TRPM8: variants seen among roughly 807,000 people sequenced by gnomAD.
TRPM8 encodes transient receptor potential cation channel subfamily M member 8.
A neutral mutation model predicts 133.7 loss-of-function variants in TRPM8; 110 were observed. The observed-to-expected ratio is 0.82, with a 90% confidence interval of 0.70 to 0.96. The LOEUF is 0.96. Among genes scored for constraint, TRPM8 ranks in the 40% least tolerant of loss-of-function variants. TRPM8 has a pLI of 0.00. For missense variants in TRPM8, 1,291 were observed against 1,379.5 expected, an observed-to-expected ratio of 0.94 and a Z score of 1.02; for synonymous variants, 535 against 532.3, an observed-to-expected ratio of 1.01 and a Z score of -0.07.
intron 22 of TRPM8, among the ~76,000 whole-genome samples, chr2:234,005,620 T>C (rs189649382): frequency 5.1e-4 from 78 of 152,258 alleles, no homozygotes; most frequent in African/African-American, 1.7e-3. Context: ...TGGAATTTGC[T>C]TAAATCGAGG....
At chr2:233,940,331 G>A (rs886317618) in intron 5 of TRPM8, among the ~76,000 whole-genome samples, 2 of 146,844 alleles carry the variant, frequency 1.4e-5, no homozygotes, top group Non-Finnish European at 3.0e-5. Context: ...GTTTTGTTTT[G>A]TTTTTCCCAT....
At chr2:233,967,717 T>C (rs774273266) in intron 15 of TRPM8, among the ~76,000 whole-genome samples, 2 of 152,216 alleles carry the variant, frequency 1.3e-5, no homozygotes, top group Non-Finnish European at 1.5e-5. Context: ...ACAAGGAGCA[T>C]GCGGAGAGCG....
intron 9 of TRPM8, among the ~76,000 whole-genome samples, chr2:233,951,326 T>C (rs903929995): frequency 1.3e-5 from 2 of 152,208 alleles, no homozygotes; most frequent in African/African-American, 4.8e-5. Flanking sequence ...TGATTGCATA[T>C]TGACTGCCAC....
intron 17 of TRPM8, among the ~76,000 whole-genome samples, chr2:233,971,643 T>C (rs1387057956): frequency 6.6e-6 from 1 of 151,982 alleles, no homozygotes; most frequent in Non-Finnish European, 1.5e-5. Context: ...GTGGTGCGTC[T>C]GGAGTTTGTT....
chr2:233,930,074 A>G (rs1460431539), intron 2 of TRPM8, among the ~76,000 whole-genome samples: 2 of 152,202 alleles, frequency 1.3e-5, no homozygotes, highest in Non-Finnish European at 2.9e-5. Context: ...TGTTTCATAC[A>G]TGATGCAAAT....
At position 234,017,789 on chromosome 2, in the gene TRPM8, T is replaced by G. The variant is rs957665941; in HGVS notation, c.*533T>G. 1 of 158,422 alleles carries G rather than the reference T, an allele frequency of 6.3e-6. No homozygotes were observed. The highest frequency in any genetic ancestry group is 6.4e-5 in the Admixed American group (1 of 15,626). The allele number at this position is 158,422 out of a possible 1,614,324, so 9.8% of individuals were successfully genotyped here. The stretch of plus-strand genomic sequence containing the variant: ...ACATGCTGCAGCAAGAGGACCCCGC[T>G]CTCTTCAGGAAAAGTGTTTTCATTT... On this transcript the variant is annotated 3_prime_UTR_variant, in exon 26 of 26. Transcript: ENST00000324695.
At chr2:233,958,767 C>G (rs1691356678) in intron 11 of TRPM8, among the ~76,000 whole-genome samples, 1 of 152,180 alleles carries the variant, frequency 6.6e-6, no homozygotes, top group Admixed American at 6.5e-5. Flanking sequence ...AACTCCTTCT[C>G]TAGGCAATGT....
intron 15 of TRPM8, among the ~76,000 whole-genome samples, chr2:233,967,190 T>C (rs1373254053): frequency 1.3e-5 from 2 of 152,244 alleles, no homozygotes; most frequent in Admixed American, 6.5e-5. Flanking sequence ...AAGGTGTTGG[T>C]CCTTTATTTA....
chr2:234,004,355 G>A (rs905056365), intron 22 of TRPM8, among the ~76,000 whole-genome samples: 1 of 152,212 alleles, frequency 6.6e-6, no homozygotes, highest in Non-Finnish European at 1.5e-5. Flanking sequence ...AGACTCCCCA[G>A]GGTGCCTGGT....
rs1199039585 is a variant in TRPM8, at chr2:233,997,400, C to T, written c.3130+884C>T. On this transcript the variant is annotated intron_variant, in intron 22 of 25. Coordinates refer to ENST00000324695, the MANE Select transcript of TRPM8 (RefSeq NM_024080.5). ...AGCTGATGGAGCCGTCAGGGAGGGT[C>T]GGCAGTGGGCTGTTCCCTCTCTTTG... Among the ~76,000 whole-genome samples the T allele has an allele frequency of 3.9e-5, 6 of 152,160 alleles. No individual in the cohort carries two copies. The East Asian group carries it at 9.6e-4, about 24-fold the overall frequency.
In TRPM8 at chr2:233,985,645, T is replaced by TC. The variant is rs562638281; in HGVS notation, c.2762-41dup. 3.0e-4 allele frequency: 486 copies of TC among 1,595,940 alleles called. 1 individual carries two copies. The African/African-American group carries it at 5.2e-3, about 17-fold the overall frequency. ...CTGGGAATGCCATCGCTCTCACCCC[T>TC]CCAGAGGGTCCTCACTTTGCCTGTT... is the stretch of plus-strand genomic sequence containing the variant. On this transcript the variant is annotated intron_variant, in intron 20 of 25. Transcript: ENST00000324695.
At chr2:233,963,238 C>T (rs201941459) in intron 12 of TRPM8, 44 bp from the exon 13 acceptor site, 8 of 1,384,270 alleles carry the variant, frequency 5.8e-6, no homozygotes, top group Non-Finnish European at 8.2e-6. Flanking sequence ...GATCCCAGAA[C>T]AGTTTCCATT....
rs1691583943 is a variant in TRPM8 at position 233,927,860 on chromosome 2, C to CTCTTTCTTTTTCTT, written c.117+1215_117+1216insTTCTTTCTTTCTTT. On this transcript the variant is annotated intron_variant, in intron 2 of 25. Coordinates refer to ENST00000324695, the MANE Select transcript of TRPM8 (RefSeq NM_024080.5). ...CCTTCCTTCCTTCCTTCCTTTCTTT[C>CTCTTTCTTTTTCTT]TCTTTCTTTCTTTCTTTCTTTCTTT... Among the ~76,000 whole-genome samples, 4 of 24,120 alleles carry CTCTTTCTTTTTCTT rather than the reference C, an allele frequency of 1.7e-4. 1 individual carries two copies. Among genetic ancestry groups the CTCTTTCTTTTTCTT allele is most frequent in the South Asian group, 1.5e-3 (1 of 688 alleles). The allele number at this position is 24,120 out of a possible 152,430, so 15.8% of individuals were successfully genotyped here.
chr2:234,006,415 C>T (rs1453354181), intron 22 of TRPM8, among the ~76,000 whole-genome samples: 1 of 152,222 alleles, frequency 6.6e-6, no homozygotes, highest in Non-Finnish European at 1.5e-5. Context: ...TTATTTTCCT[C>T]TCCTCCAGAG....
chr2:233,985,089 A>G (rs1692112455), intron 20 of TRPM8, among the ~76,000 whole-genome samples: 1 of 151,468 alleles, frequency 6.6e-6, no homozygotes, highest in Non-Finnish European at 1.5e-5. Context: ...GTCTGAAAAA[A>G]AAAAAAAGAT....
intron 1 of TRPM8, among the ~76,000 whole-genome samples, chr2:233,920,730 A>G (rs1691389685): frequency 6.6e-6 from 1 of 152,200 alleles, no homozygotes; most frequent in African/African-American, 2.4e-5. Flanking sequence ...AGGAAAAAGC[A>G]TAGAGAGGGT....
At chr2:233,946,980 C>A in intron 7 of TRPM8, 108 bp from the exon 8 acceptor site, 1 of 945,088 alleles carries the variant, frequency 1.1e-6, no homozygotes. Flanking sequence ...GAAGCTATCT[C>A]TCCACACCCT....
At chr2:234,013,689 C>A (rs1276502578) in intron 24 of TRPM8, 1 of 152,018 alleles carries the variant, frequency 6.6e-6, no homozygotes, top group East Asian at 1.9e-4. Context: ...TTACTATTAA[C>A]AAATACAAGG....
At chr2:234,011,772 C>T (rs1692843377) in intron 24 of TRPM8, among the ~76,000 whole-genome samples, 1 of 151,768 alleles carries the variant, frequency 6.6e-6, no homozygotes, top group South Asian at 2.1e-4. Context: ...GAAAAATTAG[C>T]CGGGTGTGGT....
Sources: allele counts gnomAD v4.1 joint callset (sites outside exome capture counted in the v4.1 genomes callset), GRCh38; gene constraint gnomAD v4.1.1; transcripts MANE v1.5; gene names NCBI Gene and HGNC (gene_info 2026-07-23, HGNC 2026-07-21).